Variants in RPS6KA5 observed in about 807,000 individuals in gnomAD.
RPS6KA5 encodes the protein ribosomal protein S6 kinase alpha-5.
Under a neutral mutation model 85.5 loss-of-function variants are expected in RPS6KA5, and 27 were observed. The observed-to-expected ratio is 0.32, with a 90% CI of 0.23 to 0.44. RPS6KA5 has a LOEUF of 0.44. Ranked by LOEUF, RPS6KA5 falls within the 20% of genes least tolerant of loss-of-function variation. RPS6KA5 has a pLI of 1.00. For missense variants in RPS6KA5, 811 were observed against 980.9 expected (o/e 0.83, Z 2.31); for synonymous variants, 334 against 348.2 (o/e 0.96, Z 0.46).
At position 90,870,112 on chromosome 14, in the gene RPS6KA5, A is replaced by C. The variant is rs1028692486; in HGVS notation, c.*1962T>G. ...TTCTGGATCATTTTCTATTAGCAAC[A>C]TAGTCCCTTTAGTTTGTACTTTATA... On this transcript the variant is annotated 3_prime_UTR_variant, in exon 17 of 17. Transcript: ENST00000614987. The C allele has an allele frequency of 1.3e-5, 2 of 152,208 alleles. No homozygotes were observed. The highest frequency in any genetic ancestry group is 4.8e-5 in the African/African-American group (2 of 41,458). 9.4% of individuals were successfully genotyped at this position (152,208 alleles called of 1,614,324 possible).
At chr14:91,035,220 A>G (rs78581489) in intron 1 of RPS6KA5, among the ~76,000 whole-genome samples, 1 of 151,816 alleles carries the variant, frequency 6.6e-6, no homozygotes, top group South Asian at 2.1e-4. Context: ...AAAAAAAAAG[A>G]CCATAAAACC....
At chr14:91,050,008 C>T (rs2043010968) in intron 1 of RPS6KA5, among the ~76,000 whole-genome samples, 1 of 152,194 alleles carries the variant, frequency 6.6e-6, no homozygotes, top group African/African-American at 2.4e-5. Context: ...CATTATGCAG[C>T]TCATGAATAT....
At chr14:90,944,140 A>G (rs556597535) in intron 4 of RPS6KA5, among the ~76,000 whole-genome samples, 2 of 152,372 alleles carry the variant, frequency 1.3e-5, no homozygotes, top group East Asian at 3.9e-4. Context: ...CTTCAGCTAT[A>G]TAACAAATAA....
chr14:90,932,487 C>A (rs1336866325), intron 5 of RPS6KA5, among the ~76,000 whole-genome samples: 1 of 152,124 alleles, frequency 6.6e-6, no homozygotes, highest in Non-Finnish European at 1.5e-5. Context: ...TAGTACCCAG[C>A]AAACACATTC....
At position 90,873,434 on chromosome 14, in the gene RPS6KA5, G is replaced by C. The variant is rs959765444; in HGVS notation, c.2160+198C>G. 4.6e-5 allele frequency among the ~76,000 whole-genome samples: 7 copies of C among 152,274 alleles called. No individual in the cohort carries two copies. In the Middle Eastern group the frequency reaches 0.01, roughly 222 times the overall value. ...AATATGTATTTTGTGGGTTAGCAGTGACTCTGGTCCCCTGTGCACTTATTG... is the reference window on the plus strand; with the variant it reads ...AATATGTATTTTGTGGGTTAGCAGTCACTCTGGTCCCCTGTGCACTTATTG... On this transcript the variant is annotated intron_variant, in intron 16 of 16. Coordinates refer to ENST00000614987, the MANE Select transcript of RPS6KA5 (RefSeq NM_004755.4).
At chr14:90,986,572 C>G (rs1271335990) in intron 2 of RPS6KA5, among the ~76,000 whole-genome samples, 1 of 152,186 alleles carries the variant, frequency 6.6e-6, no homozygotes, top group Non-Finnish European at 1.5e-5. Context: ...GATGTCTTAA[C>G]TGCTGGAGTT....
rs199625173 is a variant in RPS6KA5, at chr14:91,035,847, C to CA, written c.103+24484dup. On this transcript the variant is annotated intron_variant, in intron 1 of 16. Transcript: ENST00000614987. Reference sequence around the variant, plus strand: ...TTTCAGCTGATGAAACCCTCACCTTCAAAAAAAAAAAAAAAAAAAAAAAAA... The same window carrying CA: ...TTTCAGCTGATGAAACCCTCACCTTCAAAAAAAAAAAAAAAAAAAAAAAAAA... 8.2e-3 allele frequency among the ~76,000 whole-genome samples: 574 copies of CA among 69,656 alleles called. 11 individuals carry two copies. Among genetic ancestry groups the CA allele is most frequent in the Non-Finnish European group, 0.011 (444 of 39,874 alleles). 45.7% of individuals were successfully genotyped at this position (69,656 alleles called of 152,430 possible). A position where few individuals can be genotyped will look rare whatever the true frequency, so the allele number is the denominator to read the frequency against.
At chr14:90,897,879 A>T (rs951235912) in intron 12 of RPS6KA5, among the ~76,000 whole-genome samples, 19 of 152,052 alleles carry the variant, frequency 1.2e-4, no homozygotes, top group African/African-American at 4.6e-4. Context: ...TCAACAGGAG[A>T]CTGTCTAGTG....
chr14:90,921,753 G>A (rs1375948504), intron 6 of RPS6KA5, among the ~76,000 whole-genome samples: 1 of 152,172 alleles, frequency 6.6e-6, no homozygotes, highest in Non-Finnish European at 1.5e-5. Flanking sequence ...TACATGATTA[G>A]TCGTCAGGAA....
At chr14:91,047,047 CAAAA>C (rs34036525) in intron 1 of RPS6KA5, among the ~76,000 whole-genome samples, 1 of 100,404 alleles carries the variant, frequency 1.0e-5, no homozygotes. Flanking sequence ...ACCCTGTCTC[CAAAA>C]AAAAAAAAAA....
At chr14:90,938,374 C>A (rs527524785) in intron 5 of RPS6KA5, among the ~76,000 whole-genome samples, 1 of 152,136 alleles carries the variant, frequency 6.6e-6, no homozygotes, top group Non-Finnish European at 1.5e-5. Flanking sequence ...TCCAGGTGCA[C>A]GGTGCGAGCT....
intron 1 of RPS6KA5, among the ~76,000 whole-genome samples, chr14:91,004,216 G>C (rs917799912): frequency 2.0e-4 from 30 of 152,316 alleles, no homozygotes; most frequent in Non-Finnish European, 3.5e-4. Flanking sequence ...CTCCCGAGGA[G>C]CTGGGCCTAC....
chr14:90,998,195 G>A (rs1474379809), intron 2 of RPS6KA5, among the ~76,000 whole-genome samples: 1 of 152,078 alleles, frequency 6.6e-6, no homozygotes, highest in Non-Finnish European at 1.5e-5. Flanking sequence ...GGTTGTTTAG[G>A]ACTGGGGAGG....
intron 5 of RPS6KA5, among the ~76,000 whole-genome samples, chr14:90,925,918 G>A (rs1314789157): frequency 3.1e-5 from 4 of 130,512 alleles, no homozygotes; most frequent in East Asian, 2.3e-4. Flanking sequence ...CTCCAGCCTC[G>A]GTGATAGAGT....
intron 5 of RPS6KA5, among the ~76,000 whole-genome samples, chr14:90,936,827 T>G (rs983028934): frequency 6.6e-6 from 1 of 152,000 alleles, no homozygotes; most frequent in Non-Finnish European, 1.5e-5. Context: ...CCAGACCAAA[T>G]GAGGCCAGAA....
intron 5 of RPS6KA5, among the ~76,000 whole-genome samples, chr14:90,933,258 T>C (rs1389331731): frequency 1.3e-5 from 2 of 152,182 alleles, no homozygotes; most frequent in African/African-American, 4.8e-5. Context: ...AATTCCAGAC[T>C]CATATAGCTC....
intron 9 of RPS6KA5, among the ~76,000 whole-genome samples, chr14:90,901,930 C>G (rs1293414088): frequency 1.3e-5 from 2 of 152,140 alleles, no homozygotes; most frequent in Non-Finnish European, 2.9e-5. Context: ...GCCTAGAATC[C>G]CAGCACTTTG....
chr14:90,932,509 C>G (rs997193042), intron 5 of RPS6KA5, among the ~76,000 whole-genome samples: 3 of 152,170 alleles, frequency 2.0e-5, no homozygotes, highest in African/African-American at 7.2e-5. Context: ...TTTCCCTAAT[C>G]CGTTCACTCT....
At chr14:91,016,736 T>C (rs1566867750) in intron 1 of RPS6KA5, among the ~76,000 whole-genome samples, 1 of 152,092 alleles carries the variant, frequency 6.6e-6, no homozygotes, top group South Asian at 2.1e-4. Flanking sequence ...AGACATCGGA[T>C]TACATATCAA....
Sources: gnomAD v4.1 joint callset for allele counts (sites outside exome capture counted in the v4.1 genomes callset) on GRCh38, gnomAD v4.1.1 for gene constraint, MANE v1.5 for transcripts, NCBI Gene and HGNC (gene_info 2026-07-23, HGNC 2026-07-21) for gene names.